The following ADAMTSL1 variants were observed in gnomAD, a reference collection of about 807,000 sequenced individuals.
ADAMTSL1 encodes the protein ADAMTS-like protein 1.
Under a neutral mutation model 201.8 loss-of-function variants are expected in ADAMTSL1, and 126 were observed. That is an observed-to-expected ratio of 0.62 (90% CI 0.54 to 0.72). The LOEUF (loss-of-function observed/expected upper bound fraction) is 0.72. Ranked by LOEUF, ADAMTSL1 falls within the 30% of genes least tolerant of loss-of-function variation. ADAMTSL1 has a pLI of 0.00. For synonymous variants in ADAMTSL1, 1,121 were observed against 903.4 expected, an observed-to-expected ratio of 1.24 and a Z score of -4.32; for missense variants, 2,679 against 2,277.8, an observed-to-expected ratio of 1.18 and a Z score of -3.59.
At chr9:18,321,874 G>A (rs1834636854) in intron 2 of ADAMTSL1, among the ~76,000 whole-genome samples, 1 of 152,102 alleles carries the variant, frequency 6.6e-6, no homozygotes, top group Admixed American at 6.5e-5. Flanking sequence ...ATTTACCAAT[G>A]CATCATATGC....
At chr9:18,531,030 C>T (rs186153562) in intron 2 of ADAMTSL1, among the ~76,000 whole-genome samples, 6 of 152,270 alleles carry the variant, frequency 3.9e-5, no homozygotes, top group African/African-American at 1.4e-4. Flanking sequence ...ACCTAGCTCT[C>T]ATATTGTTGG....
intron 19 of ADAMTSL1, among the ~76,000 whole-genome samples, chr9:18,781,895 A>G (rs1207109782): frequency 6.6e-6 from 1 of 152,252 alleles, no homozygotes; most frequent in Non-Finnish European, 1.5e-5. Flanking sequence ...GTTTGATTTG[A>G]AAGAATTTAG....
At chr9:18,351,699 A>G (rs928353962) in intron 2 of ADAMTSL1, among the ~76,000 whole-genome samples, 2 of 152,086 alleles carry the variant, frequency 1.3e-5, no homozygotes, top group African/African-American at 2.4e-5. Flanking sequence ...ACCATGTAAG[A>G]CCCTCTTAAC....
chr9:18,212,266 G>T (rs1165086833), intron 2 of ADAMTSL1, among the ~76,000 whole-genome samples: 1 of 152,116 alleles, frequency 6.6e-6, no homozygotes, highest in African/African-American at 2.4e-5. Context: ...AAGTCTCTGT[G>T]GTAGGAGGAA....
rs533123359 is a variant in ADAMTSL1 at position 18,207,560 on chromosome 9, C to T, written c.207+43579C>T. Among the ~76,000 whole-genome samples the T allele has an allele frequency of 2.0e-5, 3 of 152,252 alleles. No homozygotes were observed. The South Asian group carries it at 6.2e-4, about 32-fold the overall frequency. On this transcript the variant is annotated intron_variant, in intron 2 of 29. Coordinates refer to the ADAMTSL1 transcript ENST00000680146. ...AGACTGAAGTCCTGCATAATTTTAA[C>T]ATTGCATGATTCTCCTACAATAGAA...
At chr9:18,136,780 C>T (rs973552127) in intron 1 of ADAMTSL1, among the ~76,000 whole-genome samples, 2 of 152,068 alleles carry the variant, frequency 1.3e-5, no homozygotes, top group Non-Finnish European at 2.9e-5. Context: ...TGTACTGTGG[C>T]AAGGAGTAAG....
intron 20 of ADAMTSL1, among the ~76,000 whole-genome samples, chr9:18,812,244 A>ACAGAATAGAGAACT (rs779223953): frequency 8.4e-5 from 11 of 130,256 alleles, no homozygotes; most frequent in Non-Finnish European, 1.7e-4. Context: ...GATCAGTGGA[A>ACAGAATAGAGAACT]CAGAATAGAG....
At chr9:18,844,436 T>G (rs1449897213) in intron 23 of ADAMTSL1, among the ~76,000 whole-genome samples, 1 of 152,180 alleles carries the variant, frequency 6.6e-6, no homozygotes, top group African/African-American at 2.4e-5. Flanking sequence ...AAGGTGTCAG[T>G]CTGCCCCTAC....
At position 18,776,927 on chromosome 9, in the gene ADAMTSL1, C is replaced by T. The variant is rs754556524; in HGVS notation, c.2698C>T (p.Pro900Ser). The T allele has an allele frequency of 6.2e-7, 1 of 1,604,742 alleles. No homozygotes were observed. The highest frequency in any genetic ancestry group is 8.5e-7 in the Non-Finnish European group (1 of 1,175,992). ...LPKTAVVLRC[P>S]ARRVRKPLIT... ...CAAGACGGCGGTGGTGCTGCGCTGC[C>T]CGGCGCGCAGGGTCCGCAAGCCCCT... The change falls in exon 19 of 29, where the codon CCG (proline) becomes TCG (serine). Residue 900 changes from proline to serine, a missense_variant. Pro to Ser is a moderately conservative substitution (Grantham distance 74). Transcript: ENST00000380548.
intron 4 of ADAMTSL1, among the ~76,000 whole-genome samples, chr9:18,605,254 G>A (rs1266733468): frequency 2.6e-5 from 4 of 152,146 alleles, no homozygotes. Flanking sequence ...GTTTATCTAT[G>A]CAGTTGTTGA....
At chr9:17,984,413 G>A (rs865871455) in intron 1 of ADAMTSL1, among the ~76,000 whole-genome samples, 2 of 151,848 alleles carry the variant, frequency 1.3e-5, no homozygotes, top group South Asian at 4.2e-4. Context: ...CTTTTTTCTA[G>A]CCTTCTTTTT....
At chr9:18,116,325 A>G (rs933276913) in intron 1 of ADAMTSL1, among the ~76,000 whole-genome samples, 1 of 152,180 alleles carries the variant, frequency 6.6e-6, no homozygotes, top group African/African-American at 2.4e-5. Context: ...CAGGATGTGT[A>G]AGCAATGTGT....
intron 25 of ADAMTSL1, chr9:18,890,467 G>A: frequency 2.2e-6 from 1 of 455,754 alleles, no homozygotes; most frequent in Non-Finnish European, 4.4e-6. Context: ...AGCCTGGGGG[G>A]ATGTGGCTCA....
chr9:18,294,459 C>A (rs764623315), intron 2 of ADAMTSL1, among the ~76,000 whole-genome samples: 7 of 152,278 alleles, frequency 4.6e-5, no homozygotes, highest in Admixed American at 1.3e-4. Flanking sequence ...GGGCTGGGAG[C>A]CCGTGTGACT....
chr9:17,940,153 A>C (rs1157835487), intron 1 of ADAMTSL1, among the ~76,000 whole-genome samples: 2 of 152,100 alleles, frequency 1.3e-5, no homozygotes, highest in Non-Finnish European at 2.9e-5. Context: ...ATATCTTGAC[A>C]GTTTCTGGAG....
At chr9:18,574,514 T>A (rs961120570) in intron 4 of ADAMTSL1, 1 of 583,922 alleles carries the variant, frequency 1.7e-6, no homozygotes, top group African/African-American at 1.9e-5. Context: ...GAATAAAAAT[T>A]TTTGAATAGT....
At chr9:18,000,351 C>A (rs144901318) in intron 1 of ADAMTSL1, among the ~76,000 whole-genome samples, 34 of 152,008 alleles carry the variant, frequency 2.2e-4, no homozygotes, top group African/African-American at 8.0e-4. Context: ...TTCTTTCCTT[C>A]CCCCCAACAT....
chr9:18,854,097 A>T (rs1563860481), intron 23 of ADAMTSL1, among the ~76,000 whole-genome samples: 3 of 152,180 alleles, frequency 2.0e-5, no homozygotes, highest in Admixed American at 6.5e-5. Flanking sequence ...TATTGTGGAA[A>T]TTAAGTGACT....
chr9:18,192,697 C>G (rs2132237245), intron 2 of ADAMTSL1, among the ~76,000 whole-genome samples: 1 of 151,878 alleles, frequency 6.6e-6, no homozygotes, highest in Admixed American at 6.6e-5. Flanking sequence ...TTACTAGACT[C>G]AAAAAACATT....
Sources: allele counts gnomAD v4.1 joint callset (sites outside exome capture counted in the v4.1 genomes callset), GRCh38; gene constraint gnomAD v4.1.1; transcripts MANE v1.5; gene names NCBI Gene and HGNC (gene_info 2026-07-23, HGNC 2026-07-21).